Variants in FREM3 observed in about 807,000 individuals in gnomAD.
FREM3 encodes the protein FRAS1 related extracellular matrix 3.
FREM3 carries 105 observed loss-of-function variants against 129.1 expected under a neutral mutation model. The observed-to-expected ratio is 0.81, with a 90% CI of 0.69 to 0.96. The LOEUF is 0.96. Among genes scored for constraint, FREM3 ranks in the 40% least tolerant of loss-of-function variants. The pLI is 0.00. For synonymous variants in FREM3, 1,014 were observed against 1,044.9 expected (o/e 0.97, Z 0.57); for missense variants, 2,593 against 2,666.3 (o/e 0.97, Z 0.61).
chr4:143,686,213 G>A (rs559230458), intron 2 of FREM3, among the ~76,000 whole-genome samples: 23 of 152,272 alleles, frequency 1.5e-4, no homozygotes, highest in Admixed American at 5.9e-4. Flanking sequence ...AGCAACAGCC[G>A]TTAGAAGCGA....
intron 2 of FREM3, among the ~76,000 whole-genome samples, chr4:143,638,248 G>A (rs190129528): frequency 1.9e-4 from 29 of 152,096 alleles, no homozygotes; most frequent in Middle Eastern, 3.4e-3. Context: ...ACCCAAAGAA[G>A]TCTCAAAGCA....
Position 143,696,319 on chromosome 4 carries a change from C to T in FREM3, c.4357G>A (p.Asp1453Asn), listed in dbSNP as rs1226861665. ...TLTNNLLTNS[D>N]INSSDEHHFS... Reference sequence around the variant, plus strand: ...TGATGTTCATCAGAGCTGTTGATGTCACTGTTGGTAAGCAGATTGTTGGTA... The same window carrying T: ...TGATGTTCATCAGAGCTGTTGATGTTACTGTTGGTAAGCAGATTGTTGGTA... Residue 1453 changes from aspartate to asparagine, a missense_variant, in exon 1 of 8, where the codon GAC becomes AAC. By Grantham distance (23) the Asp-to-Asn change is conservative (BLOSUM62 1). Transcript: ENST00000329798. The T allele has an allele frequency of 6.5e-7, 1 of 1,537,454 alleles. No individual in the cohort carries two copies. The highest frequency in any genetic ancestry group is 8.7e-7 in the Non-Finnish European group (1 of 1,146,956).
rs1437882147 is a variant in FREM3 at position 143,624,241 on chromosome 4, T to C, written c.5520A>G (p.Thr1840=). 23 of 1,536,494 alleles carry C rather than the reference T, an allele frequency of 1.5e-5. No homozygotes were observed. Among genetic ancestry groups the C allele is most frequent in the Middle Eastern group, 1.7e-4 (1 of 5,990 alleles). ...IQFNPGQTTA[T]WRVRIIPDNE... The stretch of plus-strand genomic sequence containing the variant: ...TGTCAGGTATAATTCTCACCCTCCA[T>C]GTGGCTGTAGTCTGTCCAGGATTGA... Residue 1840 remains threonine, a synonymous_variant, in exon 4 of 8, where the codon ACA becomes ACG. Coordinates refer to ENST00000329798, the MANE Select transcript of FREM3 (RefSeq NM_001168235.2).
intron 2 of FREM3, among the ~76,000 whole-genome samples, chr4:143,673,718 C>A (rs1259893575): frequency 6.6e-6 from 1 of 152,250 alleles, no homozygotes; most frequent in East Asian, 1.9e-4. Context: ...GGCAGGCCTC[C>A]TTGAGCTTTG....
At chr4:143,654,772 C>T (rs370614261) in intron 2 of FREM3, among the ~76,000 whole-genome samples, 4 of 152,096 alleles carry the variant, frequency 2.6e-5, no homozygotes, top group African/African-American at 7.2e-5. Flanking sequence ...GGAATTCTTG[C>T]CCAAGGAAAG....
At chr4:143,628,669 A>C (rs1739088140) in intron 2 of FREM3, among the ~76,000 whole-genome samples, 1 of 152,198 alleles carries the variant, frequency 6.6e-6, no homozygotes, top group African/African-American at 2.4e-5. Context: ...ACTAGAAAGA[A>C]GAATTTGTGA....
chr4:143,621,414 C>A (rs1246625405), intron 4 of FREM3, among the ~76,000 whole-genome samples: 2 of 152,180 alleles, frequency 1.3e-5, no homozygotes, highest in Admixed American at 6.5e-5. Context: ...AAACAAAAAT[C>A]TTGCAGCAAT....
At chr4:143,666,386 A>G (rs995517947) in intron 2 of FREM3, among the ~76,000 whole-genome samples, 10 of 152,286 alleles carry the variant, frequency 6.6e-5, no homozygotes, top group Admixed American at 5.9e-4. Context: ...ACACTTAGGT[A>G]TATATCCAAG....
chr4:143,632,317 G>A (rs1235792414), intron 2 of FREM3, among the ~76,000 whole-genome samples: 2 of 152,104 alleles, frequency 1.3e-5, no homozygotes, highest in Non-Finnish European at 2.9e-5. Context: ...GTTGGATAAA[G>A]CATAACTGGG....
chr4:143,595,045 A>C (rs1310488756), intron 6 of FREM3, among the ~76,000 whole-genome samples: 2 of 152,224 alleles, frequency 1.3e-5, no homozygotes, highest in Non-Finnish European at 2.9e-5. Context: ...AAATATGACA[A>C]GGTCAGAAAT....
chr4:143,689,371 T>TA (rs1191731198), intron 2 of FREM3, among the ~76,000 whole-genome samples: 1 of 151,566 alleles, frequency 6.6e-6, no homozygotes, highest in Non-Finnish European at 1.5e-5. Context: ...AAAAAATAAT[T>TA]AAAAAAAGCA....
chr4:143,680,865 T>C (rs960152352), intron 2 of FREM3, among the ~76,000 whole-genome samples: 1 of 152,134 alleles, frequency 6.6e-6, no homozygotes, highest in African/African-American at 2.4e-5. Context: ...ACTGTCACTG[T>C]CCTGATAAAT....
chr4:143,630,441 G>A (rs777090051), intron 2 of FREM3, among the ~76,000 whole-genome samples: 1 of 151,998 alleles, frequency 6.6e-6, no homozygotes, highest in African/African-American at 2.4e-5. Flanking sequence ...GCACTTTCTT[G>A]TCACATTTCA....
At chr4:143,635,751 G>C (rs1360310789) in intron 2 of FREM3, among the ~76,000 whole-genome samples, 1 of 152,128 alleles carries the variant, frequency 6.6e-6, no homozygotes, top group Non-Finnish European at 1.5e-5. Flanking sequence ...ACTCTCTATT[G>C]AATTCAAAAG....
At chr4:143,676,498 C>T (rs962700164) in intron 2 of FREM3, among the ~76,000 whole-genome samples, 1 of 151,670 alleles carries the variant, frequency 6.6e-6, no homozygotes, top group African/African-American at 2.4e-5. Flanking sequence ...GGGATGCCCT[C>T]TCTCACCACT....
chr4:143,642,805 A>G (rs1560855103), intron 2 of FREM3, among the ~76,000 whole-genome samples: 2 of 151,090 alleles, frequency 1.3e-5, no homozygotes, highest in African/African-American at 2.4e-5. Context: ...TCAAACTCAC[A>G]TGCTTTTGCA....
At chr4:143,638,687 G>T (rs772948313) in intron 2 of FREM3, among the ~76,000 whole-genome samples, 1 of 151,960 alleles carries the variant, frequency 6.6e-6, no homozygotes, top group Non-Finnish European at 1.5e-5. Context: ...ATGCTCTAGG[G>T]CCAGGGACAC....
At chr4:143,595,838 A>G (rs1247745874) in intron 6 of FREM3, among the ~76,000 whole-genome samples, 1 of 143,960 alleles carries the variant, frequency 6.9e-6, no homozygotes, top group African/African-American at 2.5e-5. Context: ...CAGTGAGCTG[A>G]GATCACGCCA....
At chr4:143,676,302 C>T (rs1467130761) in intron 2 of FREM3, among the ~76,000 whole-genome samples, 3 of 152,206 alleles carry the variant, frequency 2.0e-5, no homozygotes, top group Non-Finnish European at 2.9e-5. Context: ...ACATGATTAT[C>T]TCAATAGATG....
Sources: gnomAD v4.1 joint callset for allele counts (sites outside exome capture counted in the v4.1 genomes callset) on GRCh38, gnomAD v4.1.1 for gene constraint, MANE v1.5 for transcripts, NCBI Gene and HGNC (gene_info 2026-07-23, HGNC 2026-07-21) for gene names.